PDE12: variants seen among roughly 807,000 people sequenced by gnomAD.
The protein encoded by PDE12 is phosphodiesterase 12, also known as 2',5'-phosphodiesterase 12.
A neutral mutation model predicts 45.4 loss-of-function variants in PDE12; 26 were observed. That is an observed-to-expected ratio of 0.57 (90% CI 0.42 to 0.79). The LOEUF (loss-of-function observed/expected upper bound fraction) is 0.79. Ranked by LOEUF, PDE12 falls within the 30% of genes least tolerant of loss-of-function variation. The probability of loss-of-function intolerance (pLI) is 0.00; values close to 1 mark genes in which losing one functional copy is unlikely to be tolerated. For synonymous variants in PDE12, 283 were observed against 323.9 expected (o/e 0.87, Z 1.36); for missense variants, 668 against 790.0 (o/e 0.85, Z 1.85).
At chr3:57,608,090 C>A in the PDE12 span, among the ~76,000 whole-genome samples, 36 of 152,274 alleles carry the variant, frequency 2.4e-4, no homozygotes, top group East Asian at 6.9e-3. Context: ...ATTCAACATT[C>A]TCAAAGAAAA....
the PDE12 span, among the ~76,000 whole-genome samples, chr3:57,631,783 C>T: frequency 2.3e-5 from 3 of 131,680 alleles, no homozygotes; most frequent in African/African-American, 8.9e-5. Flanking sequence ...ACTGCAGTGG[C>T]GCTATCCCGG....
downstream of PDE12, among the ~76,000 whole-genome samples, chr3:57,569,533 G>T (rs183080902): frequency 1.8e-3 from 272 of 152,098 alleles, 4 homozygotes; most frequent in Admixed American, 0.017. Context: ...TGTATTTTTA[G>T]TAGAGATGGG....
the PDE12 span, among the ~76,000 whole-genome samples, chr3:57,654,108 C>T: frequency 1.3e-4 from 19 of 149,900 alleles, no homozygotes; most frequent in South Asian, 2.1e-4. Context: ...CCACCACGCC[C>T]GGCTAATTTT....
the PDE12 span, among the ~76,000 whole-genome samples, chr3:57,588,045 T>C: frequency 6.6e-6 from 1 of 152,252 alleles, no homozygotes; most frequent in Non-Finnish European, 1.5e-5. Flanking sequence ...TTCTTATGTA[T>C]TTCCTTAATG....
the PDE12 span, among the ~76,000 whole-genome samples, chr3:57,638,734 C>T: frequency 6.6e-6 from 1 of 151,986 alleles, no homozygotes; most frequent in African/African-American, 2.4e-5. Flanking sequence ...TATCACCGAT[C>T]ATGAGGGAAA....
rs994960717 is a variant in PDE12 at position 57,561,655 on chromosome 3, A to C, written c.*1651A>C. 6 of 985,056 alleles carry C rather than the reference A, an allele frequency of 6.1e-6. No individual in the cohort carries two copies. The African/African-American group carries it at 1.0e-4, about 17-fold the overall frequency. 61.0% of individuals were successfully genotyped at this position (985,056 alleles called of 1,614,324 possible). On this transcript the variant is annotated 3_prime_UTR_variant, in exon 3 of 3. Transcript: ENST00000311180. ...CATTTAATTAATAGCTCGAGTATTA[A>C]AAGCCCACTCCCTTCAAGAAAAGCT... is the stretch of plus-strand genomic sequence containing the variant.
the PDE12 span, chr3:57,631,228 G>T: frequency 2.4e-6 from 1 of 410,980 alleles, no homozygotes; most frequent in Non-Finnish European, 4.4e-6. Flanking sequence ...ACAGAGCCTT[G>T]TTCTGTTGCG....
chr3:57,589,814 C>T, the PDE12 span, among the ~76,000 whole-genome samples: 6 of 151,892 alleles, frequency 4.0e-5, no homozygotes, highest in Non-Finnish European at 8.8e-5. Flanking sequence ...TAGATCCAGC[C>T]GGGCACGGTG....
rs61747701 is a variant in PDE12 at position 57,556,472 on chromosome 3, G to T, written c.93G>T (p.Ala31=). ...GGGCTGAAGCGGGGAGCCAGACAGC[G>T]GCGGGAGCGATGGAGCGCGCTGTAG... ...LSRAEAGSQT[A]AGAMERAVVR... is the part of the protein sequence containing the mutation. Residue 31 remains alanine, a synonymous_variant, in exon 1 of 3, where the codon GCG becomes GCT. Coordinates refer to ENST00000311180, the MANE Select transcript of PDE12 (RefSeq NM_177966.7). The surrounding 1 kb of genome is among the most constrained non-coding windows in gnomAD (Gnocchi z 5.0). The T allele has an allele frequency of 0.033, 53,645 of 1,612,388 alleles. 1,118 individuals carry two copies. The highest frequency in any genetic ancestry group is 0.042 in the Non-Finnish European group (49,134 of 1,179,468).
At chr3:57,608,538 G>A in the PDE12 span, among the ~76,000 whole-genome samples, 12 of 151,950 alleles carry the variant, frequency 7.9e-5, no homozygotes, top group East Asian at 1.4e-3. Flanking sequence ...AAGGCATGGA[G>A]GAAGATCTGC....
rs2069741230 is a variant in PDE12, at chr3:57,562,852, T to C, written c.*2848T>C. On this transcript the variant is annotated 3_prime_UTR_variant, in exon 3 of 3. Transcript: ENST00000311180. ...ATTCTGTATGCTAAAATCAGTTGTT[T>C]CAAAATTTCAAGAATTCCACTGAGT... 6.6e-6 allele frequency: 1 copy of C among 152,200 alleles called. No individual in the cohort carries two copies. Among genetic ancestry groups the C allele is most frequent in the Non-Finnish European group, 1.5e-5 (1 of 68,028 alleles). 9.4% of individuals were successfully genotyped at this position (152,200 alleles called of 1,614,324 possible).
Position 57,559,607 on chromosome 3 carries a change from T to C in PDE12, c.1433T>C (p.Ile478Thr). The C allele has an allele frequency of 6.2e-7, 1 of 1,613,120 alleles. No individual in the cohort carries two copies. The highest frequency in any genetic ancestry group is 8.5e-7 in the Non-Finnish European group (1 of 1,179,096). ...LIQMAVALAHIRHVSCDLYPG... is the reference protein window; with the variant it reads ...LIQMAVALAHTRHVSCDLYPG... ...CAAATGGCAGTAGCCTTGGCTCACA[T>C]AAGACATGTTTCATGTGATCTGTAT... Residue 478 changes from isoleucine to threonine, a missense_variant, in exon 3 of 3, where the codon ATA becomes ACA. This residue lies in a region of PDE12 where 580 missense variants were observed against 662.9 expected (regional missense o/e 0.87). Coordinates refer to ENST00000311180, the MANE Select transcript of PDE12 (RefSeq NM_177966.7).
the PDE12 span, chr3:57,641,877 CA>C: frequency 1.6e-6 from 1 of 619,898 alleles, no homozygotes; most frequent in Non-Finnish European, 2.7e-6. Context: ...CAACACATTA[CA>C]TATCAACTAC....
the PDE12 span, among the ~76,000 whole-genome samples, chr3:57,575,966 G>A: frequency 2.0e-5 from 3 of 152,222 alleles, no homozygotes; most frequent in Middle Eastern, 6.8e-3. Context: ...CCATTGTCAG[G>A]ACTGATAAGG....
At chr3:57,601,091 C>G in the PDE12 span, among the ~76,000 whole-genome samples, 6 of 151,932 alleles carry the variant, frequency 3.9e-5, no homozygotes, top group African/African-American at 1.5e-4. Context: ...ACATACTACA[C>G]TAGGTAGTAT....
At chr3:57,583,661 C>T in the PDE12 span, among the ~76,000 whole-genome samples, 1 of 152,262 alleles carries the variant, frequency 6.6e-6, no homozygotes, top group East Asian at 1.9e-4. Flanking sequence ...TTGTGAACTA[C>T]ACCAGCACCC....
Position 57,561,304 on chromosome 3 carries a change from T to C in PDE12, c.*1300T>C. On this transcript the variant is annotated 3_prime_UTR_variant, in exon 3 of 3. Coordinates refer to ENST00000311180, the MANE Select transcript of PDE12 (RefSeq NM_177966.7). ...ACACTAGAAGTAATTTCAAAATTGT[T>C]GGTTTTTATAAACAGGAAAAAGGTT... 2 of 985,458 alleles carry C rather than the reference T, an allele frequency of 2.0e-6. No homozygotes were observed. Among genetic ancestry groups the C allele is most frequent in the South Asian group, 4.7e-5 (1 of 21,278 alleles). 61.0% of individuals were successfully genotyped at this position (985,458 alleles called of 1,614,324 possible). A position where few individuals can be genotyped will look rare whatever the true frequency, so the allele number is the denominator to read the frequency against.
chr3:57,594,152 A>G, the PDE12 span, among the ~76,000 whole-genome samples: 47 of 152,294 alleles, frequency 3.1e-4, no homozygotes, highest in Non-Finnish European at 5.4e-4. Flanking sequence ...GCTACTGAGG[A>G]GGCAGAGGTT....
the PDE12 span, chr3:57,572,371 T>A: frequency 8.5e-7 from 1 of 1,175,690 alleles, no homozygotes; most frequent in Non-Finnish European, 1.3e-6. Context: ...ACTTTCTTAA[T>A]CAAACTTAAG....
Sources: allele counts gnomAD v4.1 joint callset (sites outside exome capture counted in the v4.1 genomes callset), GRCh38; gene constraint gnomAD v4.1.1; regional missense constraint gnomAD v4.1.1; non-coding constraint Gnocchi (gnomAD v3.1); transcripts MANE v1.5; gene names NCBI Gene and HGNC (gene_info 2026-07-23, HGNC 2026-07-21).